NDST3: variants seen among roughly 807,000 people sequenced by gnomAD.
The protein encoded by NDST3 is N-deacetylase and N-sulfotransferase 3.
NDST3 carries 58 observed loss-of-function variants against 96.1 expected under a neutral mutation model. The ratio of observed to expected loss-of-function variants is 0.60; its 90% CI spans 0.49 to 0.75. NDST3 has a LOEUF of 0.75. NDST3 is among the 30% of genes least tolerant of loss of function. The pLI is 0.00. For missense variants in NDST3, 788 were observed against 1,034.2 expected, an observed-to-expected ratio of 0.76 and a Z score of 3.27; for synonymous variants, 333 against 359.7, an observed-to-expected ratio of 0.93 and a Z score of 0.84.
chr4:118,110,538 G>C (rs1368037479), intron 3 of NDST3, among the ~76,000 whole-genome samples: 1 of 152,098 alleles, frequency 6.6e-6, no homozygotes. Flanking sequence ...TCAACACAGT[G>C]CTTGACATAA....
At chr4:118,094,082 C>A (rs1236650670) in intron 2 of NDST3, among the ~76,000 whole-genome samples, 1 of 151,788 alleles carries the variant, frequency 6.6e-6, no homozygotes, top group Non-Finnish European at 1.5e-5. Context: ...CTCCTGAAGG[C>A]CTCACTTCTT....
intron 6 of NDST3, chr4:118,193,618 G>T: frequency 1.6e-6 from 2 of 1,255,718 alleles, no homozygotes; most frequent in Non-Finnish European, 2.3e-6. Context: ...GGGCCTTGGC[G>T]GCTTCGTTGT....
At chr4:118,129,365 T>C (rs1047578938) in intron 4 of NDST3, among the ~76,000 whole-genome samples, 7 of 151,986 alleles carry the variant, frequency 4.6e-5, no homozygotes, top group Non-Finnish European at 8.8e-5. Flanking sequence ...CTGTATCCCA[T>C]AGGTTTTGGT....
chr4:118,153,393 T>A (rs949402553), intron 6 of NDST3, among the ~76,000 whole-genome samples: 4 of 152,208 alleles, frequency 2.6e-5, no homozygotes, highest in Non-Finnish European at 5.9e-5. Context: ...AATGAATGAA[T>A]GAACTTAAAT....
chr4:118,157,029 G>T (rs1734754521), intron 6 of NDST3, among the ~76,000 whole-genome samples: 1 of 152,128 alleles, frequency 6.6e-6, no homozygotes, highest in Middle Eastern at 3.4e-3. Context: ...TTCATTACCG[G>T]ATTATTTGTA....
At chr4:118,187,644 G>T (rs2125960615) in intron 6 of NDST3, among the ~76,000 whole-genome samples, 1 of 152,228 alleles carries the variant, frequency 6.6e-6, no homozygotes, top group Non-Finnish European at 1.5e-5. Flanking sequence ...CCCCTTTTTA[G>T]CTCTATTGTT....
At chr4:118,035,646 C>T (rs576862353) in intron 1 of NDST3, among the ~76,000 whole-genome samples, 1 of 151,918 alleles carries the variant, frequency 6.6e-6, no homozygotes, top group South Asian at 2.1e-4. Context: ...GAAGGAGGCT[C>T]CTTTTTAAAA....
In NDST3 at chr4:118,143,469, A is replaced by G. The variant is rs1049367220; in HGVS notation, c.1411-87A>G. 137 of 1,392,782 alleles carry G rather than the reference A, an allele frequency of 9.8e-5. 6 individuals are homozygous for G. In the South Asian group the frequency reaches 1.4e-3, roughly 14 times the overall value. The allele number at this position is 1,392,782 out of a possible 1,614,324, so 86.3% of individuals were successfully genotyped here. ...ACCTGAATAATTCACTAGCTTGTGC[A>G]TCATCTTGTGTGAGCAAAAAGCTAA... On this transcript the variant is annotated intron_variant, in intron 5 of 13. Transcript: ENST00000296499.
intron 6 of NDST3, among the ~76,000 whole-genome samples, chr4:118,177,009 T>G (rs1367462738): frequency 1.3e-5 from 2 of 151,916 alleles, no homozygotes; most frequent in Non-Finnish European, 2.9e-5. Flanking sequence ...TGTGAGGAAG[T>G]GAGGAGGCAT....
intron 6 of NDST3, among the ~76,000 whole-genome samples, chr4:118,156,605 G>A (rs370714081): frequency 2.0e-5 from 3 of 152,100 alleles, no homozygotes; most frequent in Admixed American, 6.5e-5. Context: ...CCTCACCACA[G>A]AATTCACTTG....
At position 118,054,654 on chromosome 4, in the gene NDST3, C is replaced by A; in HGVS notation, c.744C>A (p.Ile248=). ...VKTPENLSPS[I]SKGAFYATII... ...CCCCAGAAAACCTTTCTCCTTCCAT[C>A]TCTAAAGGTGCTTTTTATGCCACTA... The change falls in exon 2 of 14, where the codon ATC becomes ATA. Residue 248 remains isoleucine, a synonymous_variant. Coordinates refer to ENST00000296499, the MANE Select transcript of NDST3 (RefSeq NM_004784.3). 1 of 1,613,286 alleles carries A rather than the reference C, an allele frequency of 6.2e-7. No individual in the cohort carries two copies. The highest frequency in any genetic ancestry group is 1.3e-5 in the African/African-American group (1 of 74,988).
chr4:118,054,542 A>C lies in NDST3; in HGVS notation c.632A>C (p.Glu211Ala), dbSNP rs964542508. The change falls in exon 2 of 14, where the codon GAA (glutamate) becomes GCA (alanine). Residue 211 changes from glutamate to alanine, a missense_variant. Glu to Ala is a moderately radical substitution (Grantham distance 107). Coordinates refer to ENST00000296499, the MANE Select transcript of NDST3 (RefSeq NM_004784.3). The stretch of plus-strand genomic sequence containing the variant: ...CGTGTGACCAAATCTTCCAAGCTTG[A>C]AAAAGGTTCTTTACCTGGAACTGAC... Reference protein sequence around the residue: ...LIRVTKSSKLEKGSLPGTDWT... With the variant: ...LIRVTKSSKLAKGSLPGTDWT... 2 of 1,613,210 alleles carry C rather than the reference A, an allele frequency of 1.2e-6. No individual in the cohort carries two copies. The highest frequency in any genetic ancestry group is 2.7e-5 in the African/African-American group (2 of 74,864).
chr4:118,217,124 G>C (rs1160316636), intron 6 of NDST3, among the ~76,000 whole-genome samples: 1 of 152,040 alleles, frequency 6.6e-6, no homozygotes, highest in African/African-American at 2.4e-5. Context: ...TGACACTCTT[G>C]AATACATAAA....
At chr4:118,197,776 G>C (rs1225486061) in intron 6 of NDST3, among the ~76,000 whole-genome samples, 1 of 142,086 alleles carries the variant, frequency 7.0e-6, no homozygotes, top group African/African-American at 2.6e-5. Flanking sequence ...GTTTTGTTTT[G>C]TTTTTTGTTT....
chr4:118,244,765 AT>A (rs1741208541), intron 12 of NDST3, among the ~76,000 whole-genome samples: 2 of 152,162 alleles, frequency 1.3e-5, no homozygotes, highest in Non-Finnish European at 2.9e-5. Context: ...ATTGTTGTTT[AT>A]TCTTTTCCAC....
In NDST3 at chr4:118,237,247, C is replaced by T. The variant is rs182320863; in HGVS notation, c.2118+27C>T. ...TAAGGAAAATGCAAATAAAATCCAA[C>T]AGGGAGAAGTGGAGTATGGACAATG... On this transcript the variant is annotated intron_variant, in intron 10 of 13. Transcript: ENST00000296499. The T allele has an allele frequency of 7.0e-6, 11 of 1,579,520 alleles. No homozygotes were observed. In the East Asian group the frequency reaches 1.4e-4, roughly 20 times the overall value.
intron 9 of NDST3, 44 bp from the exon 10 acceptor site, chr4:118,237,002 G>T (rs1243785039): frequency 1.4e-6 from 2 of 1,464,624 alleles, no homozygotes; most frequent in Non-Finnish European, 1.9e-6. Flanking sequence ...ACCAGAATGA[G>T]TATAAACCAG....
intron 2 of NDST3, among the ~76,000 whole-genome samples, chr4:118,099,620 G>A (rs1014986593): frequency 6.6e-6 from 1 of 151,962 alleles, no homozygotes. Context: ...AAAACTGACT[G>A]GGTATTATGC....
intron 8 of NDST3, among the ~76,000 whole-genome samples, chr4:118,230,755 T>C (rs1740231307): frequency 6.6e-6 from 1 of 152,152 alleles, no homozygotes; most frequent in Admixed American, 6.5e-5. Context: ...ATATCATAGA[T>C]TACTGTTTTA....
Sources: gnomAD v4.1 joint callset for allele counts (sites outside exome capture counted in the v4.1 genomes callset) on GRCh38, gnomAD v4.1.1 for gene constraint, MANE v1.5 for transcripts, NCBI Gene and HGNC (gene_info 2026-07-23, HGNC 2026-07-21) for gene names.